The following NCAM2 variants were observed in gnomAD, a reference collection of about 807,000 sequenced individuals.
NCAM2 encodes N-CAM-2.
Under a neutral mutation model 98.1 loss-of-function variants are expected in NCAM2, and 30 were observed. That is an observed-to-expected ratio of 0.31 (90% CI 0.23 to 0.41). NCAM2 has a LOEUF of 0.41. NCAM2 is among the 10% of genes least tolerant of loss of function. The pLI, the probability that NCAM2 is intolerant of heterozygous loss-of-function variation, is 1.00. For missense variants in NCAM2, 867 were observed against 1,005.8 expected (o/e 0.86, Z 1.87); for synonymous variants, 368 against 342.4 (o/e 1.07, Z -0.83).
At chr21:21,080,668 A>AC (rs1369267980) in intron 1 of NCAM2, among the ~76,000 whole-genome samples, 2 of 145,852 alleles carry the variant, frequency 1.4e-5, no homozygotes, top group South Asian at 2.2e-4. Flanking sequence ...AAAAAAAAAA[A>AC]AAAAAAAAAA....
chr21:21,247,498 A>G (rs1380603021), intron 1 of NCAM2, among the ~76,000 whole-genome samples: 1 of 152,170 alleles, frequency 6.6e-6, no homozygotes, highest in African/African-American at 2.4e-5. Flanking sequence ...GTGAATGAAA[A>G]TCTATCTAGG....
intron 1 of NCAM2, among the ~76,000 whole-genome samples, chr21:21,248,367 A>G (rs1474531509): frequency 6.6e-6 from 1 of 152,092 alleles, no homozygotes; most frequent in African/African-American, 2.4e-5. Flanking sequence ...TTTGATTATC[A>G]TTAAACAATT....
At chr21:21,406,091 A>T (rs1307499075) in intron 9 of NCAM2, among the ~76,000 whole-genome samples, 2 of 152,146 alleles carry the variant, frequency 1.3e-5, no homozygotes, top group Admixed American at 6.6e-5. Flanking sequence ...TCATTCGTCA[A>T]ACAGAAATTA....
At chr21:21,458,055 T>A (rs985047521) in intron 12 of NCAM2, among the ~76,000 whole-genome samples, 5 of 152,158 alleles carry the variant, frequency 3.3e-5, no homozygotes, top group South Asian at 2.1e-4. Flanking sequence ...GCCACTCCCA[T>A]CACAGGATCA....
chr21:21,338,787 C>T (rs545280910), intron 8 of NCAM2, among the ~76,000 whole-genome samples: 90 of 152,162 alleles, frequency 5.9e-4, no homozygotes, highest in African/African-American at 2.1e-3. Context: ...ACTAGCATTG[C>T]TTAACTAGAC....
chr21:21,230,080 G>C lies in NCAM2; in HGVS notation c.56-50498G>C, dbSNP rs143017711. Among the ~76,000 whole-genome samples the C allele has an allele frequency of 5.6e-3, 846 of 150,924 alleles. 13 individuals carry two copies. Among genetic ancestry groups the C allele is most frequent in the African/African-American group, 0.02 (813 of 41,336 alleles). ...TAATCTTAGGCATATAAATTTTATG[G>C]ACTTTGTCTAAATTCTCATATTCAT... On this transcript the variant is annotated intron_variant, in intron 1 of 17. Coordinates refer to ENST00000400546, the MANE Select transcript of NCAM2 (RefSeq NM_004540.5).
intron 10 of NCAM2, among the ~76,000 whole-genome samples, 184 bp downstream of exon 10, chr21:21,410,645 T>G (rs2076838432): frequency 6.6e-6 from 1 of 152,074 alleles, no homozygotes; most frequent in Non-Finnish European, 1.5e-5. Flanking sequence ...TATGAATGTC[T>G]ATTCACTTAT....
intron 12 of NCAM2, among the ~76,000 whole-genome samples, chr21:21,433,294 T>G (rs1412369407): frequency 6.6e-6 from 1 of 152,174 alleles, no homozygotes; most frequent in African/African-American, 2.4e-5. Context: ...ATATTATCTG[T>G]GCACATTGTG....
intron 1 of NCAM2, chr21:21,210,632 G>A: frequency 7.8e-7 from 1 of 1,286,106 alleles, no homozygotes. Context: ...TTTGTTGACT[G>A]GAAATACAAC....
At chr21:21,103,255 G>C (rs2146496511) in intron 1 of NCAM2, among the ~76,000 whole-genome samples, 1 of 151,972 alleles carries the variant, frequency 6.6e-6, no homozygotes, top group African/African-American at 2.4e-5. Flanking sequence ...TTAGTCATTT[G>C]TTAGTGAGCA....
At chr21:21,493,957 TA>T (rs1467565556) in intron 15 of NCAM2, among the ~76,000 whole-genome samples, 1 of 151,974 alleles carries the variant, frequency 6.6e-6, no homozygotes, top group Admixed American at 6.6e-5. Context: ...CCTACATGCT[TA>T]AAATATGTAG....
At chr21:21,044,900 C>A (rs907508056) in intron 1 of NCAM2, among the ~76,000 whole-genome samples, 3 of 151,908 alleles carry the variant, frequency 2.0e-5, no homozygotes. Context: ...CAGAGAGAGA[C>A]CCTGTCTTAA....
At chr21:21,219,753 A>G (rs956859143) in intron 1 of NCAM2, among the ~76,000 whole-genome samples, 1 of 152,198 alleles carries the variant, frequency 6.6e-6, no homozygotes, top group African/African-American at 2.4e-5. Context: ...GTCTTTCAGG[A>G]GGTATTTCAG....
Position 21,335,494 on chromosome 21 carries a change from T to C in NCAM2, c.738-11T>C, listed in dbSNP as rs752797666. The C allele has an allele frequency of 3.8e-6, 6 of 1,577,762 alleles. No homozygotes were observed. In the South Asian group the frequency reaches 4.7e-5, roughly 12 times the overall value. Reference sequence around the variant, plus strand: ...AGATCTGTGAGGATGAACCTCTTTTTTCTTCTTTAGGAATGGCAAGCTCAT... The same window carrying C: ...AGATCTGTGAGGATGAACCTCTTTTCTCTTCTTTAGGAATGGCAAGCTCAT... On this transcript the variant is annotated splice_polypyrimidine_tract_variant and intron_variant, in intron 6 of 17. Coordinates refer to ENST00000400546, the MANE Select transcript of NCAM2 (RefSeq NM_004540.5).
Position 21,474,048 on chromosome 21 carries a change from C to T in NCAM2, c.1897-3243C>T, listed in dbSNP as rs537151154. On this transcript the variant is annotated intron_variant, in intron 14 of 17. Coordinates refer to ENST00000400546, the MANE Select transcript of NCAM2 (RefSeq NM_004540.5). ...CATCTCATTAAGTTACCTAGGGGAACGTTTTGCAACTAGATTATCTTAAAT... is the reference window on the plus strand; with the variant it reads ...CATCTCATTAAGTTACCTAGGGGAATGTTTTGCAACTAGATTATCTTAAAT... Among the ~76,000 whole-genome samples, 4 of 151,878 alleles carry T rather than the reference C, an allele frequency of 2.6e-5. No individual in the cohort carries two copies. In the South Asian group the frequency reaches 8.3e-4, roughly 32 times the overall value.
intron 1 of NCAM2, among the ~76,000 whole-genome samples, chr21:21,164,879 C>A (rs140665609): frequency 1.4e-4 from 22 of 152,270 alleles, no homozygotes; most frequent in African/African-American, 5.1e-4. Context: ...AATAGAGTGA[C>A]TATCAATTGT....
chr21:21,402,046 C>T (rs1201284216), intron 9 of NCAM2, among the ~76,000 whole-genome samples: 1 of 152,118 alleles, frequency 6.6e-6, no homozygotes, highest in African/African-American at 2.4e-5. Context: ...ATTGCGTTAA[C>T]TGTACAAATT....
intron 16 of NCAM2, among the ~76,000 whole-genome samples, chr21:21,510,029 A>G (rs1414180961): frequency 6.6e-6 from 1 of 152,184 alleles, no homozygotes; most frequent in African/African-American, 2.4e-5. Flanking sequence ...ACTTTAAAGC[A>G]AACAACTAGT....
At chr21:21,100,888 C>A (rs1022232705) in intron 1 of NCAM2, among the ~76,000 whole-genome samples, 2 of 152,030 alleles carry the variant, frequency 1.3e-5, no homozygotes, top group African/African-American at 4.8e-5. Context: ...CTGAATGTTA[C>A]AAATAGATGC....
Sources: allele counts gnomAD v4.1 joint callset (sites outside exome capture counted in the v4.1 genomes callset), GRCh38; gene constraint gnomAD v4.1.1; transcripts MANE v1.5; gene names NCBI Gene and HGNC (gene_info 2026-07-23, HGNC 2026-07-21).